Variants in MAP1LC3C observed in about 807,000 individuals in gnomAD.
The protein encoded by MAP1LC3C is microtubule associated protein 1 light chain 3 gamma, also known as microtubule-associated protein 1 light chain 3 gamma.
MAP1LC3C carries 12 observed loss-of-function variants against 10.4 expected under a neutral mutation model. That is an observed-to-expected ratio of 1.15 (90% CI 0.74 to 1.86). MAP1LC3C has a LOEUF of 1.86. MAP1LC3C is among the 40% of genes most tolerant of loss of function. The pLI, the probability that MAP1LC3C is intolerant of heterozygous loss-of-function variation, is 0.00. For synonymous variants in MAP1LC3C, 70 were observed against 69.0 expected (o/e 1.01, Z -0.07); for missense variants, 177 against 185.7 (o/e 0.95, Z 0.27).
intron 3 of MAP1LC3C, among the ~76,000 whole-genome samples, chr1:241,997,998 T>C (rs558411360): frequency 1.1e-4 from 17 of 150,994 alleles, no homozygotes; most frequent in Admixed American, 4.7e-4. Flanking sequence ...GGATTCTCCT[T>C]ACCTGTTTAA....
At chr1:241,999,227 C>T, upstream of MAP1LC3C, 1 of 425,138 alleles carries the variant, frequency 2.4e-6, no homozygotes, top group South Asian at 9.9e-5. Context: ...GGAATCGCCA[C>T]CTGCTTGCTG....
In MAP1LC3C at chr1:241,995,730, C is replaced by T. The variant is rs1037682914; in HGVS notation, c.*433G>A. ...GGTCAGGAGTTCGAGACCAGCCTGG[C>T]CAACATGGTGAAACCCCGTCTCTAC... On this transcript the variant is annotated 3_prime_UTR_variant, in exon 4 of 4. Coordinates refer to ENST00000357246, the MANE Select transcript of MAP1LC3C (RefSeq NM_001004343.3). The T allele has an allele frequency of 6.5e-6, 1 of 153,696 alleles. No homozygotes were observed. Among genetic ancestry groups the T allele is most frequent in the African/African-American group, 2.4e-5 (1 of 41,394 alleles). The allele number at this position is 153,696 out of a possible 1,614,324, so 9.5% of individuals were successfully genotyped here.
upstream of MAP1LC3C, among the ~76,000 whole-genome samples, chr1:242,001,051 G>A (rs532939110): frequency 4.9e-4 from 74 of 152,030 alleles, no homozygotes; most frequent in Non-Finnish European, 8.1e-4. Context: ...CAAGGTGGGC[G>A]GATCACTTGA....
rs1374014742 is a variant in MAP1LC3C, at chr1:241,996,401, G to A, written c.222-16C>T. ...CATGCGGCTCCTGGGATGGGCAGGA[G>A]GGTGGTGAGGGTATGGCCTGCGAGA... On this transcript the variant is annotated splice_polypyrimidine_tract_variant and intron_variant, in intron 3 of 3. Transcript: ENST00000357246. The A allele has an allele frequency of 6.2e-7, 1 of 1,609,782 alleles. No homozygotes were observed. The highest frequency in any genetic ancestry group is 1.7e-5 in the Admixed American group (1 of 59,938).
Position 241,996,192 on chromosome 1 carries a change from G to A in MAP1LC3C, c.415C>T (p.Leu139Phe). 6.2e-7 allele frequency: 1 copy of A among 1,614,080 alleles called. No individual in the cohort carries two copies. The highest frequency in any genetic ancestry group is 8.5e-7 in the Non-Finnish European group (1 of 1,180,024). Reference sequence around the variant, plus strand: ...AGAGGATTGCAGGGTCTGTCCTCAAGGCTGCTCCCATCCCTGGGGGCTGCT... The same window carrying A: ...AGAGGATTGCAGGGTCTGTCCTCAAAGCTGCTCCCATCCCTGGGGGCTGCT... ...ESAAPRDGSS[L>F]EDRPCNPL The change falls in exon 4 of 4, where the codon CTT (leucine) becomes TTT (phenylalanine). Residue 139 changes from leucine (L) to phenylalanine (F), a missense_variant. Physicochemically the swap from Leu to Phe is conservative, Grantham distance 22. Coordinates refer to ENST00000357246, the MANE Select transcript of MAP1LC3C (RefSeq NM_001004343.3).
upstream of MAP1LC3C, among the ~76,000 whole-genome samples, chr1:242,001,382 G>A (rs2148602432): frequency 6.6e-6 from 1 of 152,312 alleles, no homozygotes; most frequent in South Asian, 2.1e-4. Flanking sequence ...AGGAGGCGGA[G>A]GTGGGCAGAT....
chr1:242,000,636 A>G (rs1339178299), upstream of MAP1LC3C, among the ~76,000 whole-genome samples: 1 of 152,172 alleles, frequency 6.6e-6, no homozygotes, highest in African/African-American at 2.4e-5. Flanking sequence ...AACTCAGGGA[A>G]ACACTTTTAC....
At chr1:241,998,447 G>T (rs550107638) in intron 3 of MAP1LC3C, 67 bp downstream of exon 3, 8 of 1,394,332 alleles carry the variant, frequency 5.7e-6, no homozygotes, top group Non-Finnish European at 8.1e-6. Flanking sequence ...ACTGCCAAAC[G>T]AAGAAAGCCC....
At chr1:241,999,162 T>G (rs1303905717), upstream of MAP1LC3C, 2 of 1,365,340 alleles carry the variant, frequency 1.5e-6, no homozygotes. Flanking sequence ...CTCCTCTCCC[T>G]CCCCTCTCCC....
chr1:241,999,148 G>C, upstream of MAP1LC3C: 2 of 1,415,272 alleles, frequency 1.4e-6, no homozygotes, highest in Non-Finnish European at 1.8e-6. Context: ...GTGACATCAG[G>C]CCTCTCCTCT....
chr1:241,998,018 A>ATT (rs1558179174), intron 3 of MAP1LC3C, among the ~76,000 whole-genome samples: 4 of 89,390 alleles, frequency 4.5e-5, no homozygotes, highest in African/African-American at 1.9e-4. Context: ...AAATAGAGTA[A>ATT]TTCTTTTTTT....
Position 241,996,377 on chromosome 1 carries a change from A to T in MAP1LC3C, c.230T>A (p.Met77Lys). Reference sequence around the variant, plus strand: ...AAAGGCTTCCGTGGCTCTCAGGACCATGCGGCTCCTGGGATGGGCAGGAGG... The same window carrying T: ...AAAGGCTTCCGTGGCTCTCAGGACCTTGCGGCTCCTGGGATGGGCAGGAGG... ...TQFLSIIRSR[M>K]VLRATEAFYL... Residue 77 changes from methionine to lysine, a missense_variant, in exon 4 of 4, where the codon ATG (methionine) becomes AAG (lysine). Coordinates refer to ENST00000357246, the MANE Select transcript of MAP1LC3C (RefSeq NM_001004343.3). 6.2e-7 allele frequency: 1 copy of T among 1,613,944 alleles called. No homozygotes were observed. The highest frequency in any genetic ancestry group is 8.5e-7 in the Non-Finnish European group (1 of 1,179,910).
rs1208016632 is a variant in MAP1LC3C at position 241,998,516 on chromosome 1, G to C, written c.219C>G (p.Ile73Met). ...ELTMTQFLSI[I>M]RSRMVLRATE... is the part of the protein sequence containing the mutation. ...GGGGCACGCTCTGCGCCACCTACCG[G>C]ATGATGCTGAGGAACTGGGTCATGG... Residue 73 changes from isoleucine to methionine, a missense_variant and splice_region_variant, in exon 3 of 4, where the codon ATC becomes ATG. By Grantham distance (10) the Ile-to-Met change is conservative. Coordinates refer to ENST00000357246, the MANE Select transcript of MAP1LC3C (RefSeq NM_001004343.3). 2 of 1,613,838 alleles carry C rather than the reference G, an allele frequency of 1.2e-6. No individual in the cohort carries two copies. The highest frequency in any genetic ancestry group is 1.3e-5 in the African/African-American group (1 of 74,918).
rs377161828 is a variant in MAP1LC3C at position 241,998,921 on chromosome 1, T to C, written c.58+30A>G. Reference sequence around the variant, plus strand: ...GGCCAGATCCGCTCCTCTCTTTAGATAACCCAGAAAGCTACCCCAAGAAAT... The same window carrying C: ...GGCCAGATCCGCTCCTCTCTTTAGACAACCCAGAAAGCTACCCCAAGAAAT... On this transcript the variant is annotated intron_variant, in intron 1 of 3. Coordinates refer to ENST00000357246, the MANE Select transcript of MAP1LC3C (RefSeq NM_001004343.3). 3 of 1,612,250 alleles carry C rather than the reference T, an allele frequency of 1.9e-6. No individual in the cohort carries two copies. The African/African-American group carries it at 4.0e-5, about 22-fold the overall frequency.
intron 3 of MAP1LC3C, among the ~76,000 whole-genome samples, chr1:241,996,660 C>T (rs1302247414): frequency 6.6e-6 from 1 of 152,010 alleles, no homozygotes; most frequent in Non-Finnish European, 1.5e-5. Context: ...CAGTGGCTCA[C>T]ACCTCTAATC....
chr1:241,997,012 C>T (rs1457246642), intron 3 of MAP1LC3C, among the ~76,000 whole-genome samples: 1 of 149,642 alleles, frequency 6.7e-6, no homozygotes, highest in Non-Finnish European at 1.5e-5. Flanking sequence ...GATTCCCCTG[C>T]CTCAACCTCC....
intron 3 of MAP1LC3C, among the ~76,000 whole-genome samples, chr1:241,996,921 A>AAAAAAAAAAG (rs1558178762): frequency 6.6e-6 from 1 of 150,696 alleles, no homozygotes; most frequent in Non-Finnish European, 1.5e-5. Flanking sequence ...AAAAAAAAAA[A>AAAAAAAAAAG]AAAAGAAAAG....
intron 3 of MAP1LC3C, among the ~76,000 whole-genome samples, chr1:241,997,456 G>A (rs533557776): frequency 6.6e-6 from 1 of 152,216 alleles, no homozygotes; most frequent in African/African-American, 2.4e-5. Context: ...GAAGGCCAAG[G>A]CTGCAGTGAA....
At position 241,996,284 on chromosome 1, in the gene MAP1LC3C, T is replaced by C. The variant is rs764913280; in HGVS notation, c.323A>G (p.Tyr108Cys). Residue 108 changes from tyrosine (Y) to cysteine (C), a missense_variant, in exon 4 of 4, where the codon TAC (tyrosine) becomes TGC (cysteine). By Grantham distance (194) the Tyr-to-Cys change is radical (BLOSUM62 -2). Transcript: ENST00000357246. ...GTACACGAAGCCATCCTCATCCTTG[T>C]AGTCTCTGTAGATCTCTGCCATGGT... The part of the protein sequence containing the change: ...SATMAEIYRD[Y>C]KDEDGFVYMT... The C allele has an allele frequency of 1.9e-6, 3 of 1,614,048 alleles. No individual in the cohort carries two copies. Among genetic ancestry groups the C allele is most frequent in the African/African-American group, 2.7e-5 (2 of 74,928 alleles).
Sources: allele counts gnomAD v4.1 joint callset (sites outside exome capture counted in the v4.1 genomes callset), GRCh38; gene constraint gnomAD v4.1.1; transcripts MANE v1.5; gene names NCBI Gene and HGNC (gene_info 2026-07-23, HGNC 2026-07-21).